The following FAM193A variants were observed in gnomAD, a reference collection of about 807,000 sequenced individuals.
The protein encoded by FAM193A is protein FAM193A.
A neutral mutation model predicts 126.5 loss-of-function variants in FAM193A; 22 were observed. The ratio of observed to expected loss-of-function variants is 0.17; its 90% CI spans 0.12 to 0.25. The LOEUF (loss-of-function observed/expected upper bound fraction) is 0.25. FAM193A is among the 10% of genes least tolerant of loss of function. The pLI is 1.00. For missense variants in FAM193A, 1,675 were observed against 1,672.8 expected, an observed-to-expected ratio of 1.00 and a Z score of -0.02; for synonymous variants, 761 against 646.8, an observed-to-expected ratio of 1.18 and a Z score of -2.68.
At chr4:2,695,268 A>G (rs930875768) in intron 17 of FAM193A, 139 bp downstream of exon 17, 6 of 648,164 alleles carry the variant, frequency 9.3e-6, no homozygotes, top group Non-Finnish European at 1.4e-5. Flanking sequence ...AAAGAAAAAT[A>G]TATGCCCAAA....
chr4:2,551,518 C>T lies in FAM193A; in HGVS notation c.255+14348C>T, dbSNP rs114232312. Among the ~76,000 whole-genome samples, 1,141 of 152,266 alleles carry T rather than the reference C, an allele frequency of 7.5e-3. 14 individuals carry two copies. The highest frequency in any genetic ancestry group is 0.023 in the African/African-American group (967 of 41,552). On this transcript the variant is annotated intron_variant, in intron 1 of 20. Coordinates refer to ENST00000637812, the MANE Select transcript of FAM193A (RefSeq NM_001366318.2). ...TTTCTCTATGTTAGTATCTGATTTT[C>T]AAGGAATTGGTTCATTTCATCTAAG...
chr4:2,566,565 G>A (rs552034446), intron 1 of FAM193A, among the ~76,000 whole-genome samples: 65 of 152,102 alleles, frequency 4.3e-4, no homozygotes, highest in African/African-American at 1.5e-3. Flanking sequence ...GTGTGCGCCT[G>A]TAGTCCCCAG....
intron 1 of FAM193A, among the ~76,000 whole-genome samples, chr4:2,547,151 G>A (rs1158983195): frequency 6.6e-6 from 1 of 152,156 alleles, no homozygotes. Context: ...ACGTTGGGAG[G>A]CCGAGGCAGG....
At position 2,657,874 on chromosome 4, in the gene FAM193A, A is replaced by G. The variant is rs751420434; in HGVS notation, c.1383A>G (p.Glu461=). The G allele has an allele frequency of 1.2e-6, 2 of 1,606,138 alleles. No individual in the cohort carries two copies. Among genetic ancestry groups the G allele is most frequent in the Non-Finnish European group, 1.7e-6 (2 of 1,174,102 alleles). The change falls in exon 8 of 21, where the codon GAA becomes GAG. Residue 461 remains glutamate, a synonymous_variant. Coordinates refer to ENST00000637812, the MANE Select transcript of FAM193A (RefSeq NM_001366318.2). ...WELFKQRRFI[E]EQLTNKKAVT... is the part of the protein sequence containing the mutation. ...TTTTTAAACAAAGAAGATTCATTGAAGAACAGGTAAGCTTGTCAATAAGAG... is the reference window on the plus strand; with the variant it reads ...TTTTTAAACAAAGAAGATTCATTGAGGAACAGGTAAGCTTGTCAATAAGAG...
At chr4:2,626,751 C>A (rs1279392111) in intron 4 of FAM193A, among the ~76,000 whole-genome samples, 174 bp downstream of exon 4, 2 of 152,142 alleles carry the variant, frequency 1.3e-5, no homozygotes, top group African/African-American at 2.4e-5. Context: ...CCCCCTAGGT[C>A]AAACGTCTTG....
At chr4:2,593,358 T>C (rs1031917655) in intron 1 of FAM193A, among the ~76,000 whole-genome samples, 3 of 152,116 alleles carry the variant, frequency 2.0e-5, no homozygotes, top group African/African-American at 7.2e-5. Flanking sequence ...CATCTCTCCT[T>C]CTGCTCTTGT....
At chr4:2,542,262 C>A (rs1937509494) in intron 1 of FAM193A, among the ~76,000 whole-genome samples, 1 of 152,234 alleles carries the variant, frequency 6.6e-6, no homozygotes, top group Middle Eastern at 3.4e-3. Context: ...GCCTTGGCCT[C>A]CCAAAGTGCT....
intron 6 of FAM193A, among the ~76,000 whole-genome samples, chr4:2,643,983 A>C (rs894801738): frequency 6.6e-6 from 1 of 152,174 alleles, no homozygotes; most frequent in Non-Finnish European, 1.5e-5. Flanking sequence ...CTCTTTATCA[A>C]TAATAATGTT....
In FAM193A at chr4:2,693,694, C is replaced by T. The variant is rs753909067; in HGVS notation, c.2912C>T (p.Ala971Val). 3.1e-5 allele frequency: 50 copies of T among 1,614,072 alleles called. No individual in the cohort carries two copies. The East Asian group carries it at 5.8e-4, about 19-fold the overall frequency. The change falls in exon 16 of 21, where the codon GCG becomes GTG. Residue 971 changes from alanine (A) to valine (V), a missense_variant. By Grantham distance (64) the Ala-to-Val change is moderately conservative. Transcript: ENST00000637812. ...LAPLPALSPA[A>V]LSPAALSPAS... The stretch of plus-strand genomic sequence containing the variant: ...CCCCTCCCAGCGCTCTCGCCTGCTG[C>T]GCTGTCACCTGCTGCGCTCTCACCT...
chr4:2,620,836 C>CAAAAAAAAAA lies in FAM193A; in HGVS notation c.502-4413_502-4404dup, dbSNP rs34305537. Reference sequence around the variant, plus strand: ...GGGCAAGAAGACTGCAACTCCGTCTCAAAAAAAAAAAAAAAAAAAAAAGTA... The same window carrying CAAAAAAAAAA: ...GGGCAAGAAGACTGCAACTCCGTCTCAAAAAAAAAAAAAAAAAAAAAAAAAAAAAAAAGTA... On this transcript the variant is annotated intron_variant, in intron 2 of 20. Transcript: ENST00000637812. Among the ~76,000 whole-genome samples, 14 of 69,090 alleles carry CAAAAAAAAAA rather than the reference C, an allele frequency of 2.0e-4. 2 individuals are homozygous for CAAAAAAAAAA. The highest frequency in any genetic ancestry group is 6.7e-4 in the African/African-American group (11 of 16,496). 45.3% of individuals were successfully genotyped at this position (69,090 alleles called of 152,430 possible). A position where few individuals can be genotyped will look rare whatever the true frequency, so the allele number is the denominator to read the frequency against.
intron 20 of FAM193A, among the ~76,000 whole-genome samples, chr4:2,730,894 A>C (rs1348169484): frequency 2.0e-5 from 3 of 151,652 alleles, no homozygotes; most frequent in Non-Finnish European, 2.9e-5. Context: ...ATTTGAAAAA[A>C]ATTAAAAATT....
intron 20 of FAM193A, among the ~76,000 whole-genome samples, chr4:2,724,292 C>G (rs551048565): frequency 4.4e-4 from 67 of 151,818 alleles, no homozygotes; most frequent in African/African-American, 1.4e-3. Flanking sequence ...ATTTTCTTTT[C>G]CATCTGTTTT....
intron 5 of FAM193A, among the ~76,000 whole-genome samples, chr4:2,634,710 G>C (rs560910433): frequency 6.6e-5 from 10 of 152,280 alleles, no homozygotes; most frequent in African/African-American, 2.4e-4. Flanking sequence ...TGTTCAGCAA[G>C]GAAACGTATC....
At chr4:2,637,703 C>T (rs1157539112) in intron 5 of FAM193A, among the ~76,000 whole-genome samples, 1 of 152,186 alleles carries the variant, frequency 6.6e-6, no homozygotes, top group South Asian at 2.1e-4. Flanking sequence ...AGAGCCCACC[C>T]CTGCATGCCC....
chr4:2,693,396 G>A (rs1716633644), intron 15 of FAM193A, among the ~76,000 whole-genome samples, 190 bp from the exon 16 acceptor site: 1 of 152,206 alleles, frequency 6.6e-6, no homozygotes, highest in Non-Finnish European at 1.5e-5. Flanking sequence ...AGTGTAACTT[G>A]CAGACGTTCG....
intron 1 of FAM193A, among the ~76,000 whole-genome samples, chr4:2,566,051 C>CTTTTTTT (rs564664549): frequency 0.01 from 1,468 of 142,616 alleles, 40 homozygotes; most frequent in African/African-American, 0.037. Flanking sequence ...TGGAAAATTG[C>CTTTTTTT]TTTTTTTTTT....
chr4:2,563,585 T>G (rs1738760568), intron 1 of FAM193A, among the ~76,000 whole-genome samples: 2 of 151,958 alleles, frequency 1.3e-5, no homozygotes, highest in South Asian at 2.1e-4. Context: ...AAAGAAACTC[T>G]GGATCAGAGA....
At chr4:2,583,121 C>A (rs1012533008) in intron 1 of FAM193A, among the ~76,000 whole-genome samples, 5 of 152,192 alleles carry the variant, frequency 3.3e-5, no homozygotes, top group Non-Finnish European at 7.3e-5. Context: ...TGCCACCATG[C>A]CCAGCCAATT....
intron 1 of FAM193A, among the ~76,000 whole-genome samples, chr4:2,548,674 C>A (rs977219360): frequency 6.6e-6 from 1 of 151,790 alleles, no homozygotes; most frequent in Non-Finnish European, 1.5e-5. Context: ...CCATGCTGGT[C>A]TTGAACTTCT....
Sources: allele counts gnomAD v4.1 joint callset (sites outside exome capture counted in the v4.1 genomes callset), GRCh38; gene constraint gnomAD v4.1.1; transcripts MANE v1.5; gene names NCBI Gene and HGNC (gene_info 2026-07-23, HGNC 2026-07-21).